DNAH6: variants seen among roughly 807,000 people sequenced by gnomAD.
DNAH6 encodes the protein dynein axonemal heavy chain 6, also known as axonemal beta dynein heavy chain 6.
In DNAH6, 340 loss-of-function variants were observed where a neutral mutation model predicts 491.4. That is an observed-to-expected ratio of 0.69 (90% CI 0.63 to 0.76). DNAH6 has a LOEUF of 0.76. Ranked by LOEUF, DNAH6 falls within the 30% of genes least tolerant of loss-of-function variation. The probability of loss-of-function intolerance (pLI) is 0.00; values close to 1 mark genes in which losing one functional copy is unlikely to be tolerated. For missense variants in DNAH6, 4,443 were observed against 4,972.2 expected (o/e 0.89, Z 3.20); for synonymous variants, 1,603 against 1,686.1 (o/e 0.95, Z 1.21).
chr2:84,613,359 CAGA>C (rs968882227), intron 22 of DNAH6, among the ~76,000 whole-genome samples: 2 of 152,058 alleles, frequency 1.3e-5, no homozygotes, highest in African/African-American at 4.8e-5. Context: ...AAGTGGAATG[CAGA>C]AGAAGGGCTT....
At chr2:84,775,819 T>C (rs2105197447) in intron 64 of DNAH6, among the ~76,000 whole-genome samples, 1 of 152,334 alleles carries the variant, frequency 6.6e-6, no homozygotes, top group East Asian at 1.9e-4. Context: ...AATAATAGTC[T>C]CTGAGGATCT....
intron 29 of DNAH6, among the ~76,000 whole-genome samples, chr2:84,626,195 C>A (rs543311619): frequency 1.3e-5 from 2 of 151,918 alleles, no homozygotes; most frequent in South Asian, 4.2e-4. Context: ...TAAAAACATA[C>A]ATTTGTTTCT....
intron 69 of DNAH6, 102 bp from the exon 70 acceptor site, chr2:84,797,435 C>A: frequency 9.0e-7 from 1 of 1,106,284 alleles, no homozygotes; most frequent in Non-Finnish European, 1.3e-6. Flanking sequence ...CATGAGCCAG[C>A]TGATTGCAGC....
At chr2:84,673,496 G>A (rs1692939906) in intron 40 of DNAH6, among the ~76,000 whole-genome samples, 1 of 152,166 alleles carries the variant, frequency 6.6e-6, no homozygotes, top group Admixed American at 6.5e-5. Context: ...GACTGGTGGT[G>A]TGTTAGTCAG....
chr2:84,649,783 G>T (rs527717670), intron 33 of DNAH6, among the ~76,000 whole-genome samples: 4 of 151,984 alleles, frequency 2.6e-5, no homozygotes, highest in African/African-American at 2.4e-5. Flanking sequence ...GCAAACTAAC[G>T]CAGGAACAGA....
At chr2:84,468,428 A>G in the DNAH6 span, among the ~76,000 whole-genome samples, 3 of 152,216 alleles carry the variant, frequency 2.0e-5, no homozygotes, top group Non-Finnish European at 4.4e-5. Flanking sequence ...CCAGGCTGTT[A>G]GAGCTTGAAT....
At chr2:84,801,167 A>T (rs1483026028) in intron 70 of DNAH6, among the ~76,000 whole-genome samples, 1 of 150,634 alleles carries the variant, frequency 6.6e-6, no homozygotes, top group Non-Finnish European at 1.5e-5. Context: ...TAGTGGGTGC[A>T]GCGCACCAGC....
At chr2:84,684,455 T>A (rs1419306416) in intron 42 of DNAH6, among the ~76,000 whole-genome samples, 1 of 152,226 alleles carries the variant, frequency 6.6e-6, no homozygotes, top group African/African-American at 2.4e-5. Flanking sequence ...TCATCAAAAG[T>A]CCTAGAAATT....
At chr2:84,679,280 A>G (rs1264161953) in intron 41 of DNAH6, among the ~76,000 whole-genome samples, 12 of 152,180 alleles carry the variant, frequency 7.9e-5, no homozygotes, top group Non-Finnish European at 1.8e-4. Flanking sequence ...TAGTGCATAT[A>G]TGCAGGGAGC....
At chr2:84,788,200 C>T (rs931094475) in intron 68 of DNAH6, among the ~76,000 whole-genome samples, 2 of 152,044 alleles carry the variant, frequency 1.3e-5, no homozygotes, top group African/African-American at 4.8e-5. Context: ...CCAATGGGGC[C>T]GAAATTGCTT....
intron 31 of DNAH6, among the ~76,000 whole-genome samples, chr2:84,639,919 A>G (rs1312618400): frequency 1.3e-5 from 2 of 152,222 alleles, no homozygotes; most frequent in Non-Finnish European, 2.9e-5. Context: ...GACACTAAGC[A>G]TCATCTGATT....
At position 84,685,393 on chromosome 2, in the gene DNAH6, G is replaced by C; in HGVS notation, c.6984G>C (p.Glu2328Asp). The change falls in exon 43 of 77, where the codon GAG becomes GAC. Residue 2328 changes from glutamate (E) to aspartate (D), a missense_variant. Transcript: ENST00000389394. ...AGATATTTAGACTCTTTTGCCATGA[G>C]TGCCAAAGGGTCTTCCATGATCGCT... ...EIQIFRLFCH[E>D]CQRVFHDRLI... The C allele has an allele frequency of 6.5e-7, 1 of 1,529,106 alleles. No homozygotes were observed. The highest frequency in any genetic ancestry group is 8.8e-7 in the Non-Finnish European group (1 of 1,132,126). The allele number at this position is 1,529,106 out of a possible 1,614,324, so 94.7% of individuals were successfully genotyped here. A position where few individuals can be genotyped will look rare whatever the true frequency, so the allele number is the denominator to read the frequency against.
chr2:84,537,914 A>C (rs575641678), intron 4 of DNAH6, among the ~76,000 whole-genome samples: 1 of 152,080 alleles, frequency 6.6e-6, no homozygotes, highest in African/African-American at 2.4e-5. Context: ...TTGTGATGTT[A>C]ATGGGTGAGT....
intron 18 of DNAH6, among the ~76,000 whole-genome samples, chr2:84,603,932 A>G (rs150028242): frequency 1.6e-3 from 238 of 152,228 alleles, no homozygotes; most frequent in African/African-American, 5.6e-3. Context: ...TTCACTGTCA[A>G]TTTCCACTGT....
intron 64 of DNAH6, among the ~76,000 whole-genome samples, chr2:84,776,599 C>G (rs1455730409): frequency 1.3e-5 from 2 of 152,194 alleles, no homozygotes; most frequent in African/African-American, 4.8e-5. Flanking sequence ...CTTGAGGAAT[C>G]TCCACACTGT....
Position 84,624,569 on chromosome 2 carries a change from T to C in DNAH6, c.4302T>C (p.Tyr1434=), listed in dbSNP as rs1477021001. 2 of 1,551,658 alleles carry C rather than the reference T, an allele frequency of 1.3e-6. No individual in the cohort carries two copies. The highest frequency in any genetic ancestry group is 1.7e-6 in the Non-Finnish European group (2 of 1,146,940). The change falls in exon 28 of 77, where the codon TAT becomes TAC. Residue 1434 remains tyrosine (Y), a synonymous_variant. Coordinates refer to ENST00000389394, the MANE Select transcript of DNAH6 (RefSeq NM_001370.2). ...GAATGGCGCTCTCTCAGTACACTTA[T>C]GGCTATGAATATTTGGGTGCATGCC... ...VARMALSQYT[Y]GYEYLGACPR...
chr2:84,492,520 A>AT, the DNAH6 span, among the ~76,000 whole-genome samples: 2 of 152,036 alleles, frequency 1.3e-5, no homozygotes, highest in Admixed American at 6.5e-5. Flanking sequence ...GTCCACCTTT[A>AT]TTTTTTGTTA....
chr2:84,808,472 G>T lies in DNAH6; in HGVS notation c.11669G>T (p.Arg3890Leu), dbSNP rs200449901. 2 of 1,550,262 alleles carry T rather than the reference G, an allele frequency of 1.3e-6. No individual in the cohort carries two copies. Among genetic ancestry groups the T allele is most frequent in the South Asian group, 1.2e-5 (1 of 83,496 alleles). The change falls in exon 72 of 77, where the codon CGT (arginine) becomes CTT (leucine). Residue 3890 changes from arginine to leucine, a missense_variant. By Grantham distance (102) the Arg-to-Leu change is moderately radical. Transcript: ENST00000389394. ...CTTTTTGTCAAGGATCTTCAAGGAC[G>T]TCTGAACTCCTTGACCACCGTTCTT... Reference protein sequence around the residue: ...ESLFVKDLQGRLNSLTTVLGQ... With the variant: ...ESLFVKDLQGLLNSLTTVLGQ...
chr2:84,778,077 G>C (rs561102614), intron 64 of DNAH6: 2 of 899,712 alleles, frequency 2.2e-6, no homozygotes, highest in South Asian at 2.6e-5. Flanking sequence ...TCTCCCTTCA[G>C]TTTATCTTCC....
Sources: gnomAD v4.1 joint callset for allele counts (sites outside exome capture counted in the v4.1 genomes callset) on GRCh38, gnomAD v4.1.1 for gene constraint, MANE v1.5 for transcripts, NCBI Gene and HGNC (gene_info 2026-07-23, HGNC 2026-07-21) for gene names.